Variants in HOXD3 observed in about 807,000 individuals in gnomAD.
HOXD3 encodes the protein homeobox D3.
In HOXD3, 13 loss-of-function variants were observed where a neutral mutation model predicts 32.8. That is an observed-to-expected ratio of 0.40 (90% CI 0.26 to 0.63). The LOEUF is 0.63. Ranked by LOEUF, HOXD3 falls within the 20% of genes least tolerant of loss-of-function variation. The pLI, the probability that HOXD3 is intolerant of heterozygous loss-of-function variation, is 0.44. For missense variants in HOXD3, 504 were observed against 577.1 expected (o/e 0.87, Z 1.30); for synonymous variants, 241 against 246.8 (o/e 0.98, Z 0.22).
chr2:176,156,914 T>A (rs374102928), upstream of HOXD3, among the ~76,000 whole-genome samples: 1 of 152,158 alleles, frequency 6.6e-6, no homozygotes, highest in African/African-American at 2.4e-5. Flanking sequence ...GGCAGAAGTT[T>A]AAATATTCAG....
chr2:176,154,396 T>C (rs1690603391), upstream of HOXD3, among the ~76,000 whole-genome samples: 1 of 152,150 alleles, frequency 6.6e-6, no homozygotes, highest in African/African-American at 2.4e-5. Context: ...CCAGAGTTCA[T>C]ATACTCAGAT....
intron 1 of HOXD3, among the ~76,000 whole-genome samples, chr2:176,159,787 G>T (rs190570367): frequency 1.3e-5 from 2 of 152,316 alleles, no homozygotes; most frequent in Admixed American, 1.3e-4. Flanking sequence ...AGTCCTCCTC[G>T]CCTTCCTGGA....
rs59188770 is a variant in HOXD3 at position 176,170,558 on chromosome 2, C to G, written c.541+903C>G. ...TGTGGTATCTGATGTGGTTTATCTT[C>G]AGGTAGATGAACTTGCTTCCAGGTC... On this transcript the variant is annotated intron_variant, in intron 3 of 3. Coordinates refer to ENST00000683222, the MANE Select transcript of HOXD3 (RefSeq NM_006898.5). 5.3e-3 allele frequency among the ~76,000 whole-genome samples: 813 copies of G among 152,318 alleles called. 8 individuals are homozygous for G. Among genetic ancestry groups the G allele is most frequent in the African/African-American group, 0.018 (759 of 41,558 alleles).
chr2:176,169,780 T>A, intron 3 of HOXD3, 125 bp downstream of exon 3: 2 of 1,243,440 alleles, frequency 1.6e-6, no homozygotes, highest in Non-Finnish European at 2.2e-6. Context: ...CGTCAAAATG[T>A]TCTTTTTTTT....
rs764245875 is a variant in HOXD3, at chr2:176,171,623, C to T, written c.648C>T (p.Asn216=). ...AATTGGAAAAGGAATTCCACTTCAA[C>T]CGCTACTTGTGCCGGCCGCGCCGCG... ...LVELEKEFHF[N]RYLCRPRRVE... Residue 216 remains asparagine (N), a synonymous_variant, in exon 4 of 4, where the codon AAC becomes AAT. Coordinates refer to ENST00000683222, the MANE Select transcript of HOXD3 (RefSeq NM_006898.5). The T allele has an allele frequency of 3.7e-6, 6 of 1,614,226 alleles. No individual in the cohort carries two copies. The highest frequency in any genetic ancestry group is 2.2e-5 in the East Asian group (1 of 44,874).
At chr2:176,155,579 C>G (rs972729374), upstream of HOXD3, among the ~76,000 whole-genome samples, 6 of 152,172 alleles carry the variant, frequency 3.9e-5, no homozygotes. Flanking sequence ...CCAGTCGGAC[C>G]CCAGCATCCA....
Position 176,169,292 on chromosome 2 carries a change from G to A in HOXD3, c.178G>A (p.Asp60Asn), listed in dbSNP as rs1691096547. The A allele has an allele frequency of 6.2e-7, 1 of 1,614,038 alleles. No individual in the cohort carries two copies. The highest frequency in any genetic ancestry group is 8.5e-7 in the Non-Finnish European group (1 of 1,180,008). Residue 60 changes from aspartate to asparagine, a missense_variant, in exon 3 of 4, where the codon GAC (aspartate) becomes AAC (asparagine). Coordinates refer to ENST00000683222, the MANE Select transcript of HOXD3 (RefSeq NM_006898.5). ...ACCCCCTGCTGCTGCCAGCTCCCTG[G>A]ACACTGACTATCCAGGTTCTGCCTG... ...YPPPAAASSL[D>N]TDYPGSACSI...
intron 2 of HOXD3, among the ~76,000 whole-genome samples, chr2:176,166,187 G>A (rs1690965306): frequency 6.6e-6 from 1 of 152,188 alleles, no homozygotes; most frequent in South Asian, 2.1e-4. Context: ...TTTTCAGGAA[G>A]ATGCCCAATG....
intron 2 of HOXD3, among the ~76,000 whole-genome samples, chr2:176,167,092 A>G (rs1690995169): frequency 6.6e-6 from 1 of 152,218 alleles, no homozygotes; most frequent in Non-Finnish European, 1.5e-5. Context: ...TATTAGTTAT[A>G]CTTTAACTCT....
chr2:176,170,237 T>C (rs1293795261), intron 3 of HOXD3, among the ~76,000 whole-genome samples: 1 of 152,190 alleles, frequency 6.6e-6, no homozygotes, highest in African/African-American at 2.4e-5. Flanking sequence ...TGGATTTGAA[T>C]CCAGTCAGTC....
chr2:176,169,818 G>T (rs1399815268), intron 3 of HOXD3, among the ~76,000 whole-genome samples, 163 bp downstream of exon 3: 1 of 152,158 alleles, frequency 6.6e-6, no homozygotes, highest in Non-Finnish European at 1.5e-5. Flanking sequence ...TCATGACCTT[G>T]CAGTGACAGG....
At chr2:176,168,338 G>A (rs1449816755) in intron 2 of HOXD3, among the ~76,000 whole-genome samples, 1 of 151,706 alleles carries the variant, frequency 6.6e-6, no homozygotes, top group Non-Finnish European at 1.5e-5. Context: ...AGGCCCAGGC[G>A]GGTTGATCAC....
At chr2:176,158,941 G>A (rs186037592) in intron 1 of HOXD3, among the ~76,000 whole-genome samples, 1 of 152,142 alleles carries the variant, frequency 6.6e-6, no homozygotes, top group East Asian at 1.9e-4. Context: ...CAAGGCCCCG[G>A]CTTGGCGGGC....
intron 2 of HOXD3, among the ~76,000 whole-genome samples, chr2:176,167,648 C>A (rs1290500864): frequency 6.8e-6 from 1 of 147,122 alleles, no homozygotes; most frequent in Non-Finnish European, 1.5e-5. Context: ...GACTTTCATG[C>A]AAGATGCTGT....
At chr2:176,157,853 C>G (rs1335158954) in intron 1 of HOXD3, among the ~76,000 whole-genome samples, 1 of 152,082 alleles carries the variant, frequency 6.6e-6, no homozygotes, top group Non-Finnish European at 1.5e-5. Context: ...GCCTGGCGCA[C>G]GCGGGCCGAG....
At chr2:176,159,560 G>A (rs1426083757) in intron 1 of HOXD3, among the ~76,000 whole-genome samples, 1 of 152,216 alleles carries the variant, frequency 6.6e-6, no homozygotes, top group Non-Finnish European at 1.5e-5. Flanking sequence ...CGTGGTGCGG[G>A]ATTCCCGAGT....
At chr2:176,159,702 A>C (rs923782958) in intron 1 of HOXD3, among the ~76,000 whole-genome samples, 1 of 152,134 alleles carries the variant, frequency 6.6e-6, no homozygotes, top group Non-Finnish European at 1.5e-5. Context: ...AGTGGTGGGA[A>C]TCTGTCTTGG....
chr2:176,167,280 G>GA (rs1293897585), intron 2 of HOXD3, among the ~76,000 whole-genome samples: 1 of 152,122 alleles, frequency 6.6e-6, no homozygotes, highest in African/African-American at 2.4e-5. Flanking sequence ...AGGTAGGGTA[G>GA]AATAGATTAT....
In HOXD3 at chr2:176,160,216, C is replaced by A. The variant is rs1380336838; in HGVS notation, c.-181+2764C>A. On this transcript the variant is annotated intron_variant, in intron 1 of 3. Transcript: ENST00000683222. ...CCGGGGTGCATGAGGCTGCGGAGTA[C>A]TCCGCGGGCCCGGGAAGCTAGGGGT... Among the ~76,000 whole-genome samples, 3 of 152,292 alleles carry A rather than the reference C, an allele frequency of 2.0e-5. No homozygotes were observed. The East Asian group carries it at 5.8e-4, about 30-fold the overall frequency.
Sources: allele counts gnomAD v4.1 joint callset (sites outside exome capture counted in the v4.1 genomes callset), GRCh38; gene constraint gnomAD v4.1.1; transcripts MANE v1.5; gene names NCBI Gene and HGNC (gene_info 2026-07-23, HGNC 2026-07-21).